FSTL5: variants seen among roughly 807,000 people sequenced by gnomAD.
FSTL5 encodes the protein follistatin like 5, also known as follistatin-related protein 5.
Under a neutral mutation model 89.1 loss-of-function variants are expected in FSTL5, and 62 were observed. The ratio of observed to expected loss-of-function variants is 0.70; its 90% CI spans 0.57 to 0.86. The LOEUF (loss-of-function observed/expected upper bound fraction) is 0.86, where lower values mean the gene tolerates loss of function less well. FSTL5 is among the 40% of genes least tolerant of loss of function. FSTL5 has a pLI of 0.00. For missense variants in FSTL5, 1,057 were observed against 1,001.6 expected (o/e 1.06, Z -0.75); for synonymous variants, 383 against 346.2 (o/e 1.11, Z -1.18).
chr4:161,915,679 C>T (rs896864220), intron 4 of FSTL5, among the ~76,000 whole-genome samples: 6 of 152,076 alleles, frequency 3.9e-5, no homozygotes, highest in Non-Finnish European at 8.8e-5. Context: ...TGACAGTATT[C>T]TGGCCTCGAA....
intron 4 of FSTL5, among the ~76,000 whole-genome samples, chr4:161,804,826 G>T (rs370917739): frequency 6.6e-6 from 1 of 151,992 alleles, no homozygotes; most frequent in Admixed American, 6.6e-5. Context: ...TGCAATTGTT[G>T]TGGATGATAT....
At chr4:161,591,218 C>A (rs942155438) in intron 7 of FSTL5, among the ~76,000 whole-genome samples, 1 of 152,094 alleles carries the variant, frequency 6.6e-6, no homozygotes, top group African/African-American at 2.4e-5. Flanking sequence ...CAAAAAGCCA[C>A]AAATTTTACG....
In FSTL5 at chr4:161,648,286, G is replaced by T. The variant is rs117581324; in HGVS notation, c.894+8042C>A. ...AGAGCACCCTGTAACACATGGCTAC[G>T]GGGGATTCAGCTGTAAGCATTCACC... On this transcript the variant is annotated intron_variant, in intron 7 of 15. Coordinates refer to ENST00000306100, the MANE Select transcript of FSTL5 (RefSeq NM_020116.5). 6.0e-3 allele frequency among the ~76,000 whole-genome samples: 913 copies of T among 152,210 alleles called. 9 individuals are homozygous for T. Among genetic ancestry groups the T allele is most frequent in the South Asian group, 0.045 (218 of 4,822 alleles).
At chr4:162,076,636 T>A (rs1561005799) in intron 2 of FSTL5, among the ~76,000 whole-genome samples, 1 of 151,738 alleles carries the variant, frequency 6.6e-6, no homozygotes, top group Non-Finnish European at 1.5e-5. Flanking sequence ...GTGGATAAAG[T>A]GGATGCTGGG....
intron 2 of FSTL5, among the ~76,000 whole-genome samples, chr4:162,106,354 C>T (rs781653353): frequency 6.6e-6 from 1 of 152,144 alleles, no homozygotes; most frequent in Non-Finnish European, 1.5e-5. Context: ...TGTCTGTCCT[C>T]ATAAGATCTT....
intron 4 of FSTL5, among the ~76,000 whole-genome samples, chr4:161,856,001 AT>A (rs1241378873): frequency 1.3e-5 from 2 of 152,072 alleles, no homozygotes; most frequent in African/African-American, 4.8e-5. Flanking sequence ...CGTTTCTTTT[AT>A]TTTTAAGGGT....
chr4:161,715,739 T>C (rs1738953135), intron 6 of FSTL5, among the ~76,000 whole-genome samples: 1 of 152,238 alleles, frequency 6.6e-6, no homozygotes, highest in Non-Finnish European at 1.5e-5. Context: ...CTTAGCCTCC[T>C]GTGATGTACA....
chr4:161,402,102 A>G (rs2110908903), intron 15 of FSTL5, among the ~76,000 whole-genome samples: 1 of 152,300 alleles, frequency 6.6e-6, no homozygotes, highest in South Asian at 2.1e-4. Flanking sequence ...AGGAACTGTT[A>G]CCAGAAGGAA....
intron 6 of FSTL5, among the ~76,000 whole-genome samples, chr4:161,712,447 T>C (rs1287958396): frequency 1.3e-5 from 2 of 152,176 alleles, no homozygotes; most frequent in Non-Finnish European, 2.9e-5. Flanking sequence ...TAAAAGCAAG[T>C]ACCAGTTTCA....
intron 7 of FSTL5, among the ~76,000 whole-genome samples, chr4:161,598,932 G>C (rs915937217): frequency 6.6e-6 from 1 of 151,966 alleles, no homozygotes; most frequent in Non-Finnish European, 1.5e-5. Flanking sequence ...TTTGGATATT[G>C]GATGACATTT....
chr4:161,726,862 C>T (rs1426313528), intron 6 of FSTL5, among the ~76,000 whole-genome samples: 1 of 146,578 alleles, frequency 6.8e-6, no homozygotes, highest in African/African-American at 2.6e-5. Flanking sequence ...TCTAACCTGT[C>T]AAGAGTCACT....
At chr4:162,151,055 A>T (rs1390325299) in intron 1 of FSTL5, among the ~76,000 whole-genome samples, 1 of 152,188 alleles carries the variant, frequency 6.6e-6, no homozygotes, top group Non-Finnish European at 1.5e-5. Flanking sequence ...TCAGGAATGA[A>T]TAACACTATC....
At chr4:161,915,154 C>T (rs2110843741) in intron 4 of FSTL5, among the ~76,000 whole-genome samples, 1 of 152,250 alleles carries the variant, frequency 6.6e-6, no homozygotes, top group South Asian at 2.1e-4. Flanking sequence ...TTGTTGCCTT[C>T]ACTATAGTAT....
At chr4:162,056,523 A>G (rs1738548672) in intron 2 of FSTL5, among the ~76,000 whole-genome samples, 1 of 152,162 alleles carries the variant, frequency 6.6e-6, no homozygotes, top group South Asian at 2.1e-4. Context: ...TGTATGCGGT[A>G]TATTTGTAAA....
intron 8 of FSTL5, among the ~76,000 whole-genome samples, chr4:161,553,933 A>C (rs548849768): frequency 6.6e-6 from 1 of 151,710 alleles, no homozygotes; most frequent in African/African-American, 2.4e-5. Context: ...AATCTAATAA[A>C]ATTTTATTTA....
At chr4:161,633,144 C>T (rs1047135881) in intron 7 of FSTL5, among the ~76,000 whole-genome samples, 3 of 151,620 alleles carry the variant, frequency 2.0e-5, no homozygotes, top group Non-Finnish European at 4.4e-5. Flanking sequence ...CCCGGGGTCA[C>T]GTTGAAGTTG....
At chr4:161,977,173 C>T (rs1483610341) in intron 3 of FSTL5, among the ~76,000 whole-genome samples, 1 of 152,098 alleles carries the variant, frequency 6.6e-6, no homozygotes, top group Non-Finnish European at 1.5e-5. Context: ...ATAATTGCTG[C>T]AAGTTGGTAA....
chr4:161,808,359 T>C (rs1341599699), intron 4 of FSTL5, among the ~76,000 whole-genome samples: 1 of 152,124 alleles, frequency 6.6e-6, no homozygotes, highest in Non-Finnish European at 1.5e-5. Flanking sequence ...GCAAGAACTG[T>C]ACAGAGTCCC....
chr4:161,752,956 T>C (rs2126783637), intron 6 of FSTL5, among the ~76,000 whole-genome samples: 2 of 152,294 alleles, frequency 1.3e-5, no homozygotes, highest in Admixed American at 1.3e-4. Context: ...AGACACTGCA[T>C]TGGCTGGTAC....
Sources: allele counts gnomAD v4.1 joint callset (sites outside exome capture counted in the v4.1 genomes callset), GRCh38; gene constraint gnomAD v4.1.1; transcripts MANE v1.5; gene names NCBI Gene and HGNC (gene_info 2026-07-23, HGNC 2026-07-21).